The following PCDHGA4 variants were observed in gnomAD, a reference collection of about 807,000 sequenced individuals.
PCDHGA4 encodes the protein protocadherin gamma-A4.
Under a neutral mutation model 54.6 loss-of-function variants are expected in PCDHGA4, and 38 were observed. The observed-to-expected ratio is 0.70, with a 90% CI of 0.54 to 0.91. The LOEUF is 0.91. PCDHGA4 is among the 40% of genes least tolerant of loss of function. The pLI is 0.00. For missense variants in PCDHGA4, 1,298 were observed against 1,220.9 expected (o/e 1.06, Z -0.94); for synonymous variants, 511 against 512.9 (o/e 1.00, Z 0.05).
chr5:141,483,168 C>A (rs750259590), intron 1 of PCDHGA4, among the ~76,000 whole-genome samples: 3 of 152,104 alleles, frequency 2.0e-5, no homozygotes, highest in Non-Finnish European at 4.4e-5. Context: ...CCTGAGTTAC[C>A]TTTGGGCCAA....
chr5:141,358,882 T>C (rs573260789), intron 1 of PCDHGA4, among the ~76,000 whole-genome samples: 1 of 152,374 alleles, frequency 6.6e-6, no homozygotes, highest in African/African-American at 2.4e-5. Flanking sequence ...CATGTGGCTC[T>C]GGGATTATTT....
chr5:141,477,630 T>G lies in PCDHGA4; in HGVS notation c.2515-17177T>G. The G allele has an allele frequency of 6.2e-7, 1 of 1,614,228 alleles. No homozygotes were observed. The highest frequency in any genetic ancestry group is 8.5e-7 in the Non-Finnish European group (1 of 1,180,042). ...TTGGAGCAAGGAGCTGAAACCGGGC[T>G]AGTGGGTCGCTATTTCACAATAAAT... On this transcript the variant is annotated intron_variant, in intron 1 of 3. Coordinates refer to ENST00000571252, the MANE Select transcript of PCDHGA4 (RefSeq NM_018917.4). The surrounding 1 kb of genome is among the most constrained non-coding windows in gnomAD (Gnocchi z 4.9).
At position 141,491,291 on chromosome 5, in the gene PCDHGA4, C is replaced by G; in HGVS notation, c.2515-3516C>G. On this transcript the variant is annotated intron_variant, in intron 1 of 3. Coordinates refer to ENST00000571252, the MANE Select transcript of PCDHGA4 (RefSeq NM_018917.4). The surrounding 1 kb of genome is among the most constrained non-coding windows in gnomAD (Gnocchi z 6.9). ...AAATCCAGTGACTTCCTCATACACCCTCCTGAGCGTTCAGACCTTACCCTT... is the reference window on the plus strand; with the variant it reads ...AAATCCAGTGACTTCCTCATACACCGTCCTGAGCGTTCAGACCTTACCCTT... 2 of 1,614,152 alleles carry G rather than the reference C, an allele frequency of 1.2e-6. No homozygotes were observed. The highest frequency in any genetic ancestry group is 1.7e-6 in the Non-Finnish European group (2 of 1,179,974).
chr5:141,371,502 A>G lies in PCDHGA4; in HGVS notation c.2514+13881A>G, dbSNP rs1767800690. 4 of 1,613,820 alleles carry G rather than the reference A, an allele frequency of 2.5e-6. No individual in the cohort carries two copies. In the African/African-American group the frequency reaches 4.0e-5, roughly 16 times the overall value. On this transcript the variant is annotated intron_variant, in intron 1 of 3. Transcript: ENST00000571252. ...GCTGGGGACTGCCGTTGCCCTGATC[A>G]AAACACATGATCTAGATTCTGGATT...
intron 1 of PCDHGA4, among the ~76,000 whole-genome samples, chr5:141,482,356 G>A (rs1330274684): frequency 6.6e-6 from 1 of 152,118 alleles, no homozygotes; most frequent in Non-Finnish European, 1.5e-5. Flanking sequence ...TGTTGTGAGA[G>A]TGAAAAGTAA....
intron 1 of PCDHGA4, chr5:141,361,938 C>T (rs778338184): frequency 1.2e-6 from 2 of 1,605,814 alleles, no homozygotes; most frequent in East Asian, 4.5e-5. Context: ...CAGGACACAA[C>T]GCTTGGCTGT....
rs758172004 is a variant in PCDHGA4, at chr5:141,477,909, C to T, written c.2515-16898C>T. On this transcript the variant is annotated intron_variant, in intron 1 of 3. Transcript: ENST00000571252. This position sits in a 1 kb window ranked among gnomAD's most constrained non-coding sequence, Gnocchi z 4.9. ...GTGTCACGGGTGGTAGGCTGGGACGCGGATGCAGGGCACAATGCCTGGCTC... is the reference window on the plus strand; with the variant it reads ...GTGTCACGGGTGGTAGGCTGGGACGTGGATGCAGGGCACAATGCCTGGCTC... 2 of 1,614,166 alleles carry T rather than the reference C, an allele frequency of 1.2e-6. No individual in the cohort carries two copies. Among genetic ancestry groups the T allele is most frequent in the Admixed American group, 1.7e-5 (1 of 60,016 alleles).
intron 1 of PCDHGA4, chr5:141,370,231 G>C: frequency 1.7e-6 from 1 of 591,382 alleles, no homozygotes; most frequent in South Asian, 3.3e-5. Context: ...CAGCCAGCTC[G>C]GAAGAAAAGT....
chr5:141,371,780 T>C, intron 1 of PCDHGA4: 6 of 1,613,990 alleles, frequency 3.7e-6, no homozygotes, highest in Non-Finnish European at 5.1e-6. Context: ...TGCATGTAGC[T>C]GAGAACAATC....
Position 141,491,897 on chromosome 5 carries a change from C to G in PCDHGA4, c.2515-2910C>G. The stretch of plus-strand genomic sequence containing the variant: ...GATTAAGGGATGGGGCTCCGAGCAC[C>G]GGGGGTGGTGGCGACTGTGGGCGAG... On this transcript the variant is annotated intron_variant, in intron 1 of 3. Transcript: ENST00000571252. This position sits in a 1 kb window ranked among gnomAD's most constrained non-coding sequence, Gnocchi z 6.9. 7 of 1,432,534 alleles carry G rather than the reference C, an allele frequency of 4.9e-6. No homozygotes were observed. The highest frequency in any genetic ancestry group is 6.5e-6 in the Non-Finnish European group (7 of 1,082,898). 88.7% of individuals were successfully genotyped at this position (1,432,534 alleles called of 1,614,324 possible).
In PCDHGA4 at chr5:141,490,770, C is replaced by T. The variant is rs774014462; in HGVS notation, c.2515-4037C>T. 1.2e-6 allele frequency: 2 copies of T among 1,614,120 alleles called. No individual in the cohort carries two copies. Among genetic ancestry groups the T allele is most frequent in the Non-Finnish European group, 8.5e-7 (1 of 1,179,968 alleles). ...CAGCCTCCTCCTTTGTGTATGTCAA[C>T]CCAGAGGATGGACGGATCTTTGCCC... On this transcript the variant is annotated intron_variant, in intron 1 of 3. Transcript: ENST00000571252. The surrounding 1 kb of genome is among the most constrained non-coding windows in gnomAD (Gnocchi z 5.4).
At chr5:141,418,163 T>G in intron 1 of PCDHGA4, 1 of 1,614,002 alleles carries the variant, frequency 6.2e-7, no homozygotes, top group Non-Finnish European at 8.5e-7. Context: ...GAGAAGAAGA[T>G]GTGAGTTGCA....
At chr5:141,459,735 T>A (rs114520602) in intron 1 of PCDHGA4, among the ~76,000 whole-genome samples, 1 of 152,374 alleles carries the variant, frequency 6.6e-6, no homozygotes, top group Non-Finnish European at 1.5e-5. Flanking sequence ...GTCAATTTTT[T>A]AAATTTTAGC....
intron 1 of PCDHGA4, chr5:141,405,415 G>GT (rs757320616): frequency 1.9e-6 from 3 of 1,559,568 alleles, no homozygotes; most frequent in South Asian, 2.3e-5. Context: ...TTCTTTTTTT[G>GT]TTTTTTGTTT....
Position 141,476,351 on chromosome 5 carries a change from G to C in PCDHGA4, c.2515-18456G>C. On this transcript the variant is annotated intron_variant, in intron 1 of 3. Transcript: ENST00000571252. This position sits in a 1 kb window ranked among gnomAD's most constrained non-coding sequence, Gnocchi z 7.6. ...TGGAGCTAGCCGAAGATTCTTTGAG[G>C]TGAACCGGGAGACCGGAGAGATGTT... 3 of 1,614,182 alleles carry C rather than the reference G, an allele frequency of 1.9e-6. No homozygotes were observed. Among genetic ancestry groups the C allele is most frequent in the Non-Finnish European group, 2.5e-6 (3 of 1,180,046 alleles).
intron 1 of PCDHGA4, chr5:141,361,636 A>C (rs767493690): frequency 3.1e-6 from 5 of 1,613,756 alleles, no homozygotes; most frequent in East Asian, 2.2e-5. Flanking sequence ...GCCGCGGGAG[A>C]TTTTATCCTA....
chr5:141,393,659 G>GA (rs1276688380), intron 1 of PCDHGA4: 7 of 1,613,880 alleles, frequency 4.3e-6, no homozygotes, highest in Middle Eastern at 1.6e-4. Context: ...ACAAATTCCG[G>GA]AAAATTAATG....
In PCDHGA4 at chr5:141,431,141, G is replaced by A. The variant is rs1262504427; in HGVS notation, c.2515-63666G>A. 24 of 1,614,212 alleles carry A rather than the reference G, an allele frequency of 1.5e-5. No individual in the cohort carries two copies. The highest frequency in any genetic ancestry group is 2.0e-5 in the Non-Finnish European group (24 of 1,180,030). On this transcript the variant is annotated intron_variant, in intron 1 of 3. Coordinates refer to ENST00000571252, the MANE Select transcript of PCDHGA4 (RefSeq NM_018917.4). The surrounding 1 kb of genome is among the most constrained non-coding windows in gnomAD (Gnocchi z 4.8). ...AGAAGTAGAAGTAAGGGACATTAAC[G>A]ACAATGCGCCTTACTTTCGTGAAAG...
rs1016254258 is a variant in PCDHGA4 at position 141,489,870 on chromosome 5, G to C, written c.2515-4937G>C. ...GTGAAGCCCAGGCAAGACATCAGCT[G>C]GTGCTTACTGCTGTGGATGGGGGGA... On this transcript the variant is annotated intron_variant, in intron 1 of 3. Transcript: ENST00000571252. The surrounding 1 kb of genome is among the most constrained non-coding windows in gnomAD (Gnocchi z 4.5). The C allele has an allele frequency of 2.0e-5, 32 of 1,614,102 alleles. No homozygotes were observed. Among genetic ancestry groups the C allele is most frequent in the African/African-American group, 4.0e-5 (3 of 74,944 alleles).
Sources: allele counts gnomAD v4.1 joint callset (sites outside exome capture counted in the v4.1 genomes callset), GRCh38; gene constraint gnomAD v4.1.1; non-coding constraint Gnocchi (gnomAD v3.1); transcripts MANE v1.5; gene names NCBI Gene and HGNC (gene_info 2026-07-23, HGNC 2026-07-21).